ZNF653: variants seen among roughly 807,000 people sequenced by gnomAD.
ZNF653 encodes the protein zinc finger protein 653.
In ZNF653, 37 loss-of-function variants were observed where a neutral mutation model predicts 59.9. The observed-to-expected ratio is 0.62, with a 90% CI of 0.48 to 0.81. The LOEUF is 0.81. Among genes scored for constraint, ZNF653 ranks in the 40% least tolerant of loss-of-function variants. The pLI, the probability that ZNF653 is intolerant of heterozygous loss-of-function variation, is 0.00. For synonymous variants in ZNF653, 435 were observed against 371.8 expected (o/e 1.17, Z -1.96); for missense variants, 808 against 881.1 (o/e 0.92, Z 1.05).
At chr19:11,504,625 C>T in intron 1 of ZNF653, 2 of 948,562 alleles carry the variant, frequency 2.1e-6, no homozygotes, top group Non-Finnish European at 2.5e-6. Context: ...AATCTCCCCC[C>T]AGAGAAACAT....
rs181591929 is a variant in ZNF653 at position 11,487,998 on chromosome 19, A to T, written c.560-95T>A. ...TTTTATTTTATTTATTTATTTATTT[A>T]TTTTTTTGAGACAGAGTCTCACTCT... On this transcript the variant is annotated intron_variant, in intron 3 of 8. Coordinates refer to ENST00000293771, the MANE Select transcript of ZNF653 (RefSeq NM_138783.4). The surrounding 1 kb of genome is among the most constrained non-coding windows in gnomAD (Gnocchi z 5.1). 12,319 of 1,125,570 alleles carry T rather than the reference A, an allele frequency of 0.011. 79 individuals carry two copies. The highest frequency in any genetic ancestry group is 0.013 in the Middle Eastern group (37 of 2,904). The allele number at this position is 1,125,570 out of a possible 1,614,324, so 69.7% of individuals were successfully genotyped here. A position where few individuals can be genotyped will look rare whatever the true frequency, so the allele number is the denominator to read the frequency against.
At chr19:11,498,243 A>G (rs1971608539) in intron 2 of ZNF653, 53 bp downstream of exon 2, 8 of 1,612,164 alleles carry the variant, frequency 5.0e-6, no homozygotes, top group Non-Finnish European at 6.8e-6. Flanking sequence ...CCATCTCCAT[A>G]TTCCCACCGC....
In ZNF653 at chr19:11,487,978, T is replaced by TTTA. The variant is rs1555736351; in HGVS notation, c.560-76_560-75insTAA. 21 of 1,134,928 alleles carry TTTA rather than the reference T, an allele frequency of 1.9e-5. No homozygotes were observed. The African/African-American group carries it at 3.2e-4, about 17-fold the overall frequency. 70.3% of individuals were successfully genotyped at this position (1,134,928 alleles called of 1,614,324 possible). On this transcript the variant is annotated intron_variant, in intron 3 of 8. Transcript: ENST00000293771. This position sits in a 1 kb window ranked among gnomAD's most constrained non-coding sequence, Gnocchi z 5.1. ...ATTTGTTTATTTAGTTTTTATTTTA[T>TTTA]TTTATTTATTTATTTATTTATTTTT...
At chr19:11,498,471 TCTCA>T in intron 1 of ZNF653, 132 bp from the exon 2 acceptor site, 2 of 1,246,104 alleles carry the variant, frequency 1.6e-6, no homozygotes, top group Admixed American at 1.7e-5. Flanking sequence ...TGAGATGGAG[TCTCA>T]CTGTGTTGCC....
Position 11,487,808 on chromosome 19 carries a change from C to T in ZNF653, c.655G>A (p.Ala219Thr), listed in dbSNP as rs1568393885. The change falls in exon 4 of 9, where the codon GCG becomes ACG. Residue 219 changes from alanine to threonine, a missense_variant. Coordinates refer to ENST00000293771, the MANE Select transcript of ZNF653 (RefSeq NM_138783.4). This position sits in a 1 kb window ranked among gnomAD's most constrained non-coding sequence, Gnocchi z 5.1. ...GGCGTCGCTGCCGCTGCCGCTGCCG[C>T]AGCCTTGACCGGCTGGCCCTCAGGA... ...ESPEGQPVKA[A>T]AAAAAATPTS... 1.2e-6 allele frequency: 2 copies of T among 1,612,198 alleles called. No individual in the cohort carries two copies. The highest frequency in any genetic ancestry group is 1.7e-5 in the Admixed American group (1 of 59,946).
Position 11,487,548 on chromosome 19 carries a change from C to T in ZNF653, c.915G>A (p.Val305=). ...NVPQEALGEV[V]ASCPMPGMVP... ...CCATGCCTGGCATGGGGCAGCTGGC[C>T]ACCACCTCACCCAGGGCCTCCTGGG... Residue 305 remains valine (V), a synonymous_variant, in exon 4 of 9, where the codon GTG becomes GTA. Coordinates refer to ENST00000293771, the MANE Select transcript of ZNF653 (RefSeq NM_138783.4). The surrounding 1 kb of genome is among the most constrained non-coding windows in gnomAD (Gnocchi z 5.1). The T allele has an allele frequency of 1.2e-6, 2 of 1,613,870 alleles. No homozygotes were observed. Among genetic ancestry groups the T allele is most frequent in the East Asian group, 2.2e-5 (1 of 44,874 alleles).
chr19:11,505,604 G>A lies in ZNF653; in HGVS notation c.183C>T (p.Tyr61=), dbSNP rs1971711013. Residue 61 remains tyrosine, a synonymous_variant, in exon 1 of 9, where the codon TAC becomes TAT. Transcript: ENST00000293771. Reference sequence around the variant, plus strand: ...CCCAGGGCCCGTGCGCCTCGCCCAGGTACACGCGCCGCACGTCGTACTTCT... The same window carrying A: ...CCCAGGGCCCGTGCGCCTCGCCCAGATACACGCGCCGCACGTCGTACTTCT... The part of the protein sequence containing the change: ...SRKKYDVRRV[Y]LGEAHGPWVD... 3 of 1,506,788 alleles carry A rather than the reference G, an allele frequency of 2.0e-6. No individual in the cohort carries two copies. Among genetic ancestry groups the A allele is most frequent in the Non-Finnish European group, 2.6e-6 (3 of 1,135,130 alleles). The allele number at this position is 1,506,788 out of a possible 1,614,324, so 93.3% of individuals were successfully genotyped here.
At chr19:11,500,366 GCT>G (rs1568397302) in intron 1 of ZNF653, among the ~76,000 whole-genome samples, 3 of 152,094 alleles carry the variant, frequency 2.0e-5, no homozygotes, top group Admixed American at 1.3e-4. Context: ...CCCAAGTCTG[GCT>G]CTGTCACCCA....
chr19:11,502,152 C>T lies in ZNF653; in HGVS notation c.299+3336G>A, dbSNP rs549324324. On this transcript the variant is annotated intron_variant, in intron 1 of 8. Transcript: ENST00000293771. ...TATTGCCCAGGCTGGAGTACAGTGG[C>T]GCGATCTCGGCTCACTGCAACCTCC... Among the ~76,000 whole-genome samples the T allele has an allele frequency of 9.7e-4, 147 of 151,666 alleles. 1 individual carries two copies. The highest frequency in any genetic ancestry group is 3.4e-3 in the African/African-American group (140 of 41,310).
Position 11,495,926 on chromosome 19 carries a change from T to G in ZNF653, c.559+24A>C. 2 of 1,607,236 alleles carry G rather than the reference T, an allele frequency of 1.2e-6. No individual in the cohort carries two copies. The highest frequency in any genetic ancestry group is 1.7e-6 in the Non-Finnish European group (2 of 1,176,798). On this transcript the variant is annotated intron_variant, in intron 3 of 8. Coordinates refer to ENST00000293771, the MANE Select transcript of ZNF653 (RefSeq NM_138783.4). The surrounding 1 kb of genome is among the most constrained non-coding windows in gnomAD (Gnocchi z 4.9). ...GCCCCCAGAAATGGGCGGCCCCCTA[T>G]GTGCCCTCGCCCTGCAGACCTACCT...
At position 11,501,584 on chromosome 19, in the gene ZNF653, C is replaced by T. The variant is rs560531218; in HGVS notation, c.300-3245G>A. ...CTCCAGTCAGAGCTTTGCTCCATCA[C>T]GTCACACACTCTCCCATCACAGTCA... On this transcript the variant is annotated intron_variant, in intron 1 of 8. Transcript: ENST00000293771. Among the ~76,000 whole-genome samples, 16 of 152,228 alleles carry T rather than the reference C, an allele frequency of 1.1e-4. No individual in the cohort carries two copies. In the East Asian group the frequency reaches 2.1e-3, roughly 20 times the overall value.
chr19:11,497,798 T>C (rs1971604178), intron 2 of ZNF653, among the ~76,000 whole-genome samples: 1 of 152,162 alleles, frequency 6.6e-6, no homozygotes, highest in Non-Finnish European at 1.5e-5. Context: ...AATGCGCTCC[T>C]CATCCCTTGA....
At position 11,487,326 on chromosome 19, in the gene ZNF653, G is replaced by A. The variant is rs755799408; in HGVS notation, c.1137C>T (p.Asp379=). 127 of 1,613,510 alleles carry A rather than the reference G, an allele frequency of 7.9e-5. No homozygotes were observed. The highest frequency in any genetic ancestry group is 1.0e-4 in the Non-Finnish European group (122 of 1,179,858). ...TCTCGATGCCTGCTACTGCGGTGGC[G>A]TCCATGGTGCTAGGCTGGCTACCCT... ...EPEGSQPSTM[D]ATAVAGIETK... Residue 379 remains aspartate, a synonymous_variant, in exon 4 of 9, where the codon GAC becomes GAT. Transcript: ENST00000293771. The surrounding 1 kb of genome is among the most constrained non-coding windows in gnomAD (Gnocchi z 5.1).
Position 11,487,886 on chromosome 19 carries a change from C to T in ZNF653, c.577G>A (p.Ala193Thr). The T allele has an allele frequency of 6.3e-7, 1 of 1,593,766 alleles. No individual in the cohort carries two copies. Among genetic ancestry groups the T allele is most frequent in the African/African-American group, 1.3e-5 (1 of 74,502 alleles). Residue 193 changes from alanine (A) to threonine (T), a missense_variant, in exon 4 of 9, where the codon GCT (alanine) becomes ACT (threonine). Ala to Thr is a moderately conservative substitution (Grantham distance 58, BLOSUM62 0). Coordinates refer to ENST00000293771, the MANE Select transcript of ZNF653 (RefSeq NM_138783.4). The surrounding 1 kb of genome is among the most constrained non-coding windows in gnomAD (Gnocchi z 5.1). ...DSDKVGNGLVAGSSDSSSSGS... is the reference protein window; with the variant it reads ...DSDKVGNGLVTGSSDSSSSGS... ...GAGCTGGATGAGTCAGAGCTGCCAG[C>T]CACCAGCCCATTGCCCACTGTGGGG... is the stretch of plus-strand genomic sequence containing the variant.
intron 3 of ZNF653, among the ~76,000 whole-genome samples, chr19:11,493,935 C>T (rs555768207): frequency 6.6e-6 from 1 of 152,212 alleles, no homozygotes; most frequent in Non-Finnish European, 1.5e-5. Context: ...GGGAGGATCA[C>T]TTGAGCCCAG....
intron 3 of ZNF653, among the ~76,000 whole-genome samples, chr19:11,490,150 T>C (rs1971515662): frequency 6.6e-6 from 1 of 152,160 alleles, no homozygotes; most frequent in African/African-American, 2.4e-5. Flanking sequence ...ATCCTCAGGT[T>C]TGATAATTTG....
In ZNF653 at chr19:11,484,151, G is replaced by A; in HGVS notation, c.1571-10C>T. ...GTGAATTCACGGACACCTGGGGGCG[G>A]TGGGGACCGAGGCTGAGGACGGTGG... On this transcript the variant is annotated splice_polypyrimidine_tract_variant and intron_variant, in intron 7 of 8. Coordinates refer to ENST00000293771, the MANE Select transcript of ZNF653 (RefSeq NM_138783.4). The A allele has an allele frequency of 6.4e-7, 1 of 1,550,594 alleles. No homozygotes were observed. Among genetic ancestry groups the A allele is most frequent in the East Asian group, 2.4e-5 (1 of 40,946 alleles).
At position 11,502,490 on chromosome 19, in the gene ZNF653, A is replaced by C. The variant is rs572144109; in HGVS notation, c.299+2998T>G. ...TAACTCTTGGCCAACCTTGTATCAC[A>C]ATGTGTACCCCATCCATTCTTCAAG... On this transcript the variant is annotated intron_variant, in intron 1 of 8. Transcript: ENST00000293771. Among the ~76,000 whole-genome samples, 3 of 152,206 alleles carry C rather than the reference A, an allele frequency of 2.0e-5. No homozygotes were observed. In the East Asian group the frequency reaches 5.8e-4, roughly 29 times the overall value.
intron 3 of ZNF653, among the ~76,000 whole-genome samples, chr19:11,489,529 T>C (rs1271944363): frequency 6.6e-6 from 1 of 152,060 alleles, no homozygotes; most frequent in Non-Finnish European, 1.5e-5. Context: ...TCAGGTCTTG[T>C]TATGCTACCC....
Sources: gnomAD v4.1 joint callset for allele counts (sites outside exome capture counted in the v4.1 genomes callset) on GRCh38, gnomAD v4.1.1 for gene constraint, Gnocchi (gnomAD v3.1) non-coding constraint, MANE v1.5 for transcripts, NCBI Gene and HGNC (gene_info 2026-07-23, HGNC 2026-07-21) for gene names.